Variants in SHANK1 observed in about 807,000 individuals in gnomAD.
The protein encoded by SHANK1 is SH3 and multiple ankyrin repeat domains 1.
Under a neutral mutation model 165.6 loss-of-function variants are expected in SHANK1, and 35 were observed. The observed-to-expected ratio is 0.21, with a 90% confidence interval of 0.16 to 0.28. SHANK1 has a LOEUF of 0.28. Among genes scored for constraint, SHANK1 ranks in the 10% least tolerant of loss-of-function variants. SHANK1 has a pLI of 1.00. For synonymous variants in SHANK1, 1,428 were observed against 1,384.8 expected (o/e 1.03, Z -0.69); for missense variants, 2,681 against 3,036.4 (o/e 0.88, Z 2.75).
At chr19:50,692,456 G>GATATATATATATATATATAT (rs142402078) in intron 15 of SHANK1, among the ~76,000 whole-genome samples, 38 of 128,862 alleles carry the variant, frequency 2.9e-4, no homozygotes, top group African/African-American at 7.0e-4. Context: ...GAATTCACCA[G>GATATATATATATATATATAT]ATATATATAT....
chr19:50,691,783 C>T (rs1245231485), intron 15 of SHANK1, among the ~76,000 whole-genome samples: 1 of 152,192 alleles, frequency 6.6e-6, no homozygotes, highest in Non-Finnish European at 1.5e-5. Context: ...CTCAAAGGAT[C>T]TTCCAACTTC....
In SHANK1 at chr19:50,716,528, G is replaced by T; in HGVS notation, c.256-50C>A. 6.2e-7 allele frequency: 1 copy of T among 1,600,892 alleles called. No homozygotes were observed. The highest frequency in any genetic ancestry group is 1.8e-4 in the Middle Eastern group (1 of 5,638). On this transcript the variant is annotated intron_variant, in intron 2 of 23. Transcript: ENST00000293441. The surrounding 1 kb of genome is among the most constrained non-coding windows in gnomAD (Gnocchi z 8.4). Reference sequence around the variant, plus strand: ...AGGGTGGGCCAGGGGCCAGAGGAGAGCCTGAGGTGGGTTGGGAAGTGAGCC... The same window carrying T: ...AGGGTGGGCCAGGGGCCAGAGGAGATCCTGAGGTGGGTTGGGAAGTGAGCC...
At position 50,667,014 on chromosome 19, in the gene SHANK1, C is replaced by T. The variant is rs899426383; in HGVS notation, c.4946G>A (p.Gly1649Asp). ...SAAPGDPHPP[G>D]PPAPAAPAPA... ...AGCCGGTGCTGCTGGGGCAGGCGGG[C>T]CTGGTGGATGGGGGTCCCCAGGAGC... The change falls in exon 23 of 24, where the codon GGC becomes GAC. Residue 1649 changes from glycine to aspartate, a missense_variant. Gly to Asp is a moderately conservative substitution (Grantham distance 94). This residue lies in a region of SHANK1 where 1,713 missense variants were observed against 1,630.2 expected (regional missense o/e 1.05). Coordinates refer to ENST00000293441, the MANE Select transcript of SHANK1 (RefSeq NM_016148.5). This position sits in a 1 kb window ranked among gnomAD's most constrained non-coding sequence, Gnocchi z 5.7. 4.5e-6 allele frequency: 7 copies of T among 1,555,818 alleles called. No individual in the cohort carries two copies. Among genetic ancestry groups the T allele is most frequent in the Non-Finnish European group, 6.1e-6 (7 of 1,153,632 alleles).
intron 21 of SHANK1, among the ~76,000 whole-genome samples, chr19:50,679,596 A>G (rs1396140397): frequency 1.3e-5 from 2 of 152,200 alleles, no homozygotes; most frequent in Non-Finnish European, 2.9e-5. Flanking sequence ...ACTCCCCTTC[A>G]GTCCGCCGCC....
At chr19:50,677,232 A>G (rs1017159240) in intron 21 of SHANK1, among the ~76,000 whole-genome samples, 6 of 150,230 alleles carry the variant, frequency 4.0e-5, no homozygotes, top group African/African-American at 1.5e-4. Context: ...GGTTCAAGTG[A>G]TTCTCTTGCC....
rs1014930389 is a variant in SHANK1 at position 50,661,623 on chromosome 19, A to G, written c.*342T>C. On this transcript the variant is annotated 3_prime_UTR_variant, in exon 24 of 24. Transcript: ENST00000293441. The stretch of plus-strand genomic sequence containing the variant: ...CGGCCTGGGGGACAGTCCCCATCCA[A>G]TCGGGCTCAGGGCTGACCCTCTATG... Among the ~76,000 whole-genome samples, 3 of 151,964 alleles carry G rather than the reference A, an allele frequency of 2.0e-5. No homozygotes were observed. Among genetic ancestry groups the G allele is most frequent in the Non-Finnish European group, 4.4e-5 (3 of 67,958 alleles).
rs376973978 is a variant in SHANK1 at position 50,688,315 on chromosome 19, A to G, written c.2173-257T>C. Among the ~76,000 whole-genome samples the G allele has an allele frequency of 8.6e-5, 13 of 151,178 alleles. No individual in the cohort carries two copies. In the East Asian group the frequency reaches 1.8e-3, roughly 20 times the overall value. On this transcript the variant is annotated intron_variant, in intron 17 of 23. Transcript: ENST00000293441. The surrounding 1 kb of genome is among the most constrained non-coding windows in gnomAD (Gnocchi z 6.7). Reference sequence around the variant, plus strand: ...CCCTCCTTGTCCCCAGTATTTATTTATTTATTTACTTTTATTTTTAAAAGA... The same window carrying G: ...CCCTCCTTGTCCCCAGTATTTATTTGTTTATTTACTTTTATTTTTAAAAGA...
chr19:50,688,162 G>GC lies in SHANK1; in HGVS notation c.2173-105dup. ...TGCCTCCTGCGCTGCCCTGTCCATG[G>GC]CCCTCTGGGCTATGTTCCTCTCCCT... is the stretch of plus-strand genomic sequence containing the variant. On this transcript the variant is annotated intron_variant, in intron 17 of 23. Coordinates refer to ENST00000293441, the MANE Select transcript of SHANK1 (RefSeq NM_016148.5). This position sits in a 1 kb window ranked among gnomAD's most constrained non-coding sequence, Gnocchi z 6.7. 7.3e-7 allele frequency: 1 copy of GC among 1,376,762 alleles called. No individual in the cohort carries two copies. The highest frequency in any genetic ancestry group is 2.3e-5 in the East Asian group (1 of 43,488). 85.3% of individuals were successfully genotyped at this position (1,376,762 alleles called of 1,614,324 possible). A position where few individuals can be genotyped will look rare whatever the true frequency, so the allele number is the denominator to read the frequency against.
At chr19:50,706,244 A>C (rs2088937719) in intron 8 of SHANK1, among the ~76,000 whole-genome samples, 1 of 152,132 alleles carries the variant, frequency 6.6e-6, no homozygotes, top group Non-Finnish European at 1.5e-5. Context: ...CTCTGACTCC[A>C]AAGTCTTCTA....
chr19:50,665,903 T>TGCCTGTAATCCCAGCTACTG (rs1985480763), intron 23 of SHANK1, among the ~76,000 whole-genome samples: 1 of 113,814 alleles, frequency 8.8e-6, no homozygotes, highest in Admixed American at 8.0e-5. Context: ...TGTGGTGGCA[T>TGCCTGTAATCCCAGCTACTG]GGGAGGCTGA....
At position 50,716,168 on chromosome 19, in the gene SHANK1, TG is replaced by T; in HGVS notation, c.459+106del. 1.9e-6 allele frequency: 2 copies of T among 1,026,012 alleles called. No homozygotes were observed. The highest frequency in any genetic ancestry group is 3.0e-6 in the Non-Finnish European group (2 of 665,204). 63.6% of individuals were successfully genotyped at this position (1,026,012 alleles called of 1,614,324 possible). A position where few individuals can be genotyped will look rare whatever the true frequency, so the allele number is the denominator to read the frequency against. ...GCTTAGAAGGTCTGGACTCGCACAC[TG>T]GGTGCCCCCTCGTTAAGGTTTCGAG... On this transcript the variant is annotated intron_variant, in intron 3 of 23. Transcript: ENST00000293441. This position sits in a 1 kb window ranked among gnomAD's most constrained non-coding sequence, Gnocchi z 8.4.
At chr19:50,685,320 C>G (rs908490825) in intron 21 of SHANK1, among the ~76,000 whole-genome samples, 8 of 152,212 alleles carry the variant, frequency 5.3e-5, no homozygotes, top group African/African-American at 1.9e-4. Flanking sequence ...GGCTGCCTGC[C>G]TGGGTTAAAA....
At position 50,702,607 on chromosome 19, in the gene SHANK1, C is replaced by G. The variant is rs760667018; in HGVS notation, c.1607G>C (p.Gly536Ala). 5.6e-5 allele frequency: 89 copies of G among 1,590,400 alleles called. No homozygotes were observed. The highest frequency in any genetic ancestry group is 7.6e-5 in the Non-Finnish European group (89 of 1,168,802). Reference protein sequence around the residue: ...GPAGGTGGSGGPGGSLGSRGR... With the variant: ...GPAGGTGGSGAPGGSLGSRGR... ...GCGGCTGCCCAGGGAGCCCCCGGGG[C>G]CCCCTGAGCCCCCCGTGCCCCCGGC... The change falls in exon 12 of 24, where the codon GGC becomes GCC. Residue 536 changes from glycine (G) to alanine (A), a missense_variant. Coordinates refer to ENST00000293441, the MANE Select transcript of SHANK1 (RefSeq NM_016148.5). The surrounding 1 kb of genome is among the most constrained non-coding windows in gnomAD (Gnocchi z 5.3).
chr19:50,674,128 T>TGCCTAAGG (rs1985899215), intron 21 of SHANK1, among the ~76,000 whole-genome samples: 1 of 150,644 alleles, frequency 6.6e-6, no homozygotes, highest in African/African-American at 2.5e-5. Flanking sequence ...AGGGCAAAAG[T>TGCCTAAGG]GCCTAAGGTT....
rs192533917 is a variant in SHANK1, at chr19:50,666,231, C to G, written c.5729G>C (p.Ser1910Thr). The G allele has an allele frequency of 1.2e-6, 2 of 1,608,128 alleles. No homozygotes were observed. The highest frequency in any genetic ancestry group is 1.7e-6 in the Non-Finnish European group (2 of 1,177,926). ...GGGDSHHGGA[S>T]YVPERTSSLQ... ...GGAGGAGGTCCTCTCGGGGACATAG[C>G]TGGCTCCCCCGTGGTGGCTGTCTCC... The change falls in exon 23 of 24, where the codon AGC becomes ACC. Residue 1910 changes from serine (S) to threonine (T), a missense_variant. Transcript: ENST00000293441.
At chr19:50,680,082 G>A (rs959709907) in intron 21 of SHANK1, among the ~76,000 whole-genome samples, 1 of 151,754 alleles carries the variant, frequency 6.6e-6, no homozygotes, top group Non-Finnish European at 1.5e-5. Context: ...AGACAGAGAT[G>A]GAGAGACAGA....
Position 50,686,608 on chromosome 19 carries a change from A to G in SHANK1, c.2458+136T>C, listed in dbSNP as rs1295339870. 2.9e-6 allele frequency: 2 copies of G among 693,298 alleles called. No homozygotes were observed. Among genetic ancestry groups the G allele is most frequent in the East Asian group, 3.2e-5 (1 of 31,054 alleles). The allele number at this position is 693,298 out of a possible 1,614,324, so 42.9% of individuals were successfully genotyped here. A position where few individuals can be genotyped will look rare whatever the true frequency, so the allele number is the denominator to read the frequency against. ...GCAGCCGTCGGGAGAGGGCGGGCGG[A>G]GGGAGGGGAGGTGGGATCGCAGCCT... On this transcript the variant is annotated intron_variant, in intron 20 of 23. Coordinates refer to ENST00000293441, the MANE Select transcript of SHANK1 (RefSeq NM_016148.5). The surrounding 1 kb of genome is among the most constrained non-coding windows in gnomAD (Gnocchi z 5.7).
Position 50,718,783 on chromosome 19 carries a change from T to C in SHANK1, c.-44+623A>G, listed in dbSNP as rs1220956405. Among the ~76,000 whole-genome samples the C allele has an allele frequency of 2.6e-5, 1 of 37,796 alleles. No homozygotes were observed. Among genetic ancestry groups the C allele is most frequent in the African/African-American group, 1.1e-4 (1 of 9,134 alleles). 24.8% of individuals were successfully genotyped at this position (37,796 alleles called of 152,430 possible). A position where few individuals can be genotyped will look rare whatever the true frequency, so the allele number is the denominator to read the frequency against. On this transcript the variant is annotated intron_variant, in intron 1 of 23. Coordinates refer to ENST00000293441, the MANE Select transcript of SHANK1 (RefSeq NM_016148.5). This position sits in a 1 kb window ranked among gnomAD's most constrained non-coding sequence, Gnocchi z 5.1. The stretch of plus-strand genomic sequence containing the variant: ...AGAGCCGGAGCCGAGGCTGGGAAAC[T>C]GGTGGGGGAGAACCCGGCCGGGGAG...
At chr19:50,678,292 C>T (rs1986044929) in intron 21 of SHANK1, among the ~76,000 whole-genome samples, 1 of 151,904 alleles carries the variant, frequency 6.6e-6, no homozygotes, top group African/African-American at 2.4e-5. Context: ...TGTGACCAGT[C>T]AGGAAGCACA....
Sources: gnomAD v4.1 joint callset for allele counts (sites outside exome capture counted in the v4.1 genomes callset) on GRCh38, gnomAD v4.1.1 for gene constraint, gnomAD v4.1.1 regional missense constraint, Gnocchi (gnomAD v3.1) non-coding constraint, MANE v1.5 for transcripts, NCBI Gene and HGNC (gene_info 2026-07-23, HGNC 2026-07-21) for gene names.